TAF1: variants seen among roughly 807,000 people sequenced by gnomAD.
The protein encoded by TAF1 is transcription initiation factor TFIID subunit 1.
Under a neutral mutation model 138.5 loss-of-function variants are expected in TAF1, and 2 were observed. That is an observed-to-expected ratio of 0.01 (90% CI 0.01 to 0.05). The LOEUF is 0.05. Ranked by LOEUF, TAF1 falls within the 10% of genes least tolerant of loss-of-function variation. The pLI is 1.00. For synonymous variants in TAF1, 437 were observed against 503.2 expected (o/e 0.87, Z 1.76); for missense variants, 709 against 1,478.0 (o/e 0.48, Z 8.53).
At chrX:71,474,689 AAC>A (rs1294685946) in intron 13 of TAF1, among the ~76,000 whole-genome samples, 3 of 112,107 alleles carry the variant, frequency 2.7e-5, no homozygotes, top group Non-Finnish European at 5.6e-5. Flanking sequence ...TAAACAAGTA[AAC>A]ACAAACTGTG....
At chrX:71,374,091 CT>C (rs57625882) in intron 3 of TAF1, among the ~76,000 whole-genome samples, 94 of 104,091 alleles carry the variant, frequency 9.0e-4, no homozygotes, top group Middle Eastern at 4.8e-3. Context: ...TTCTTTCTTT[CT>C]TTTTTTTTTT....
chrX:71,464,604 G>C lies in TAF1; in HGVS notation c.*558G>C. ...CCTGTTAATCCTAGCTACTCGGGAG[G>C]CTGAGGCAGGAGAATTACTTGAACC... is the stretch of plus-strand genomic sequence containing the variant. On this transcript the variant is annotated 3_prime_UTR_variant, in exon 38 of 38. Coordinates refer to ENST00000423759, the MANE Select transcript of TAF1 (RefSeq NM_004606.5). The C allele has an allele frequency of 5.4e-6, 1 of 185,711 alleles. No homozygotes were observed. The highest frequency in any genetic ancestry group is 9.9e-6 in the Non-Finnish European group (1 of 100,504). 15.3% of individuals were successfully genotyped at this position (185,711 alleles called of 1,213,427 possible). A position where few individuals can be genotyped will look rare whatever the true frequency, so the allele number is the denominator to read the frequency against.
intron 24 of TAF1, 50 bp downstream of exon 24, chrX:71,398,787 A>G (rs757601895): frequency 1.3e-5 from 15 of 1,130,730 alleles, no homozygotes; most frequent in Non-Finnish European, 1.6e-5. Context: ...GGAAGAATGT[A>G]TACCTTTTCC....
At chrX:71,366,551 G>T (rs770791967) in intron 1 of TAF1, 57 bp downstream of exon 1, 2 of 1,043,507 alleles carry the variant, frequency 1.9e-6, no homozygotes, top group Admixed American at 6.5e-5. Flanking sequence ...AGAGGAAGGA[G>T]GTGCGGGGAG....
At chrX:71,375,082 A>G in intron 3 of TAF1, 85 bp from the exon 4 acceptor site, 1 of 1,138,593 alleles carries the variant, frequency 8.8e-7, no homozygotes, top group South Asian at 2.1e-5. Context: ...TCTCAAAAAA[A>G]AAAAAAAAAT....
At chrX:71,401,837 G>A in intron 25 of TAF1, 98 bp downstream of exon 25, 1 of 786,885 alleles carries the variant, frequency 1.3e-6, no homozygotes, top group South Asian at 2.5e-5. Context: ...TCTCTGAAGT[G>A]GAACTGAAGG....
At chrX:71,445,214 T>G (rs2037632460) in intron 32 of TAF1, among the ~76,000 whole-genome samples, 1 of 105,575 alleles carries the variant, frequency 9.5e-6, no homozygotes, top group African/African-American at 3.5e-5. Context: ...GCACGAGAAT[T>G]GGTTGAACCT....
intron 18 of TAF1, 31 bp downstream of exon 18, chrX:71,389,696 T>C: frequency 4.9e-6 from 5 of 1,030,701 alleles, no homozygotes; most frequent in Non-Finnish European, 6.7e-6. Context: ...GTATTAGTCA[T>C]TAATACATCT....
At chrX:71,401,091 T>C (rs1460274837) in intron 24 of TAF1, among the ~76,000 whole-genome samples, 5 of 112,483 alleles carry the variant, frequency 4.4e-5, no homozygotes, top group East Asian at 2.8e-4. Flanking sequence ...GTGGAAATCT[T>C]CTCTTTATTC....
chrX:71,453,734 T>C (rs1478591746), intron 32 of TAF1, among the ~76,000 whole-genome samples: 1 of 110,568 alleles, frequency 9.0e-6, no homozygotes. Context: ...ATGGGCACAG[T>C]GGCTCATGTC....
intron 32 of TAF1, among the ~76,000 whole-genome samples, chrX:71,424,997 T>TG (rs1376867383): frequency 4.5e-5 from 5 of 112,000 alleles, no homozygotes; most frequent in African/African-American, 1.6e-4. Context: ...CCGTTAATGA[T>TG]GAAAAAGTAG....
intron 25 of TAF1, among the ~76,000 whole-genome samples, chrX:71,405,542 G>A (rs1391625677): frequency 9.0e-6 from 1 of 111,323 alleles, no homozygotes; most frequent in East Asian, 2.8e-4. Context: ...GTAGAGATGG[G>A]GTTTCACCAT....
chrX:71,452,370 C>T (rs1418972432), intron 32 of TAF1, among the ~76,000 whole-genome samples: 1 of 111,257 alleles, frequency 9.0e-6, no homozygotes. Context: ...AGACGCTCCT[C>T]ACCTCCCAGA....
chrX:71,402,266 C>G (rs1474337281), intron 25 of TAF1, among the ~76,000 whole-genome samples: 1 of 111,682 alleles, frequency 9.0e-6, no homozygotes, highest in African/African-American at 3.3e-5. Context: ...CGCCACCACG[C>G]CCGGCTAATT....
chrX:71,420,218 A>G (rs2036257400), intron 28 of TAF1: 1 of 728,860 alleles, frequency 1.4e-6, no homozygotes, highest in African/African-American at 2.1e-5. Context: ...GGGCTCCTGG[A>G]AAACCCCGAT....
Position 71,421,399 on chromosome X carries a change from A to G in TAF1, c.4452+23A>G, listed in dbSNP as rs775455925. ...GAGGTAAGACAGTTAGAATGAGAGA[A>G]AGGCAGTGGAATTTGAAGGTGGGGG... On this transcript the variant is annotated intron_variant, in intron 29 of 37. Coordinates refer to ENST00000423759, the MANE Select transcript of TAF1 (RefSeq NM_004606.5). 5.0e-5 allele frequency: 37 copies of G among 745,341 alleles called. No homozygotes were observed. The Admixed American group carries it at 5.4e-4, about 11-fold the overall frequency. The allele number at this position is 745,341 out of a possible 1,213,427, so 61.4% of individuals were successfully genotyped here.
intron 13 of TAF1, among the ~76,000 whole-genome samples, chrX:71,505,609 A>G (rs1237625649): frequency 8.9e-6 from 1 of 112,415 alleles, no homozygotes; most frequent in Non-Finnish European, 1.9e-5. Context: ...AGAACTATCA[A>G]GGTCATCAAC....
intron 13 of TAF1, among the ~76,000 whole-genome samples, chrX:71,503,322 GTGTGTGTATATATATATATA>G (rs1170514287): frequency 2.6e-5 from 2 of 78,100 alleles, no homozygotes; most frequent in Non-Finnish European, 4.5e-5. Flanking sequence ...ATATATATAT[GTGTGTGTATATATATATATA>G]TGTGTATATA....
intron 13 of TAF1, among the ~76,000 whole-genome samples, chrX:71,497,230 G>A (rs1345375675): frequency 8.9e-6 from 1 of 111,754 alleles, no homozygotes; most frequent in Non-Finnish European, 1.9e-5. Context: ...GGACTTCTAA[G>A]AGATCCTCTC....
Sources: allele counts gnomAD v4.1 joint callset (sites outside exome capture counted in the v4.1 genomes callset), GRCh38; gene constraint gnomAD v4.1.1; transcripts MANE v1.5; gene names NCBI Gene and HGNC (gene_info 2026-07-23, HGNC 2026-07-21).